Variants in STOML3 observed in about 807,000 individuals in gnomAD.
The protein encoded by STOML3 is stomatin like 3.
Under a neutral mutation model 29.5 loss-of-function variants are expected in STOML3, and 31 were observed. That is an observed-to-expected ratio of 1.05 (90% CI 0.79 to 1.42). STOML3 has a LOEUF of 1.42. Among genes scored for constraint, STOML3 ranks in the 40% most tolerant of loss-of-function variants. The pLI, the probability that STOML3 is intolerant of heterozygous loss-of-function variation, is 0.00. For synonymous variants in STOML3, 122 were observed against 139.8 expected (o/e 0.87, Z 0.90); for missense variants, 380 against 363.0 (o/e 1.05, Z -0.38).
intron 1 of STOML3, chr13:38,980,083 C>G (rs1881219803): frequency 1.3e-6 from 2 of 1,551,698 alleles, no homozygotes; most frequent in African/African-American, 1.4e-5. Context: ...TCATCAAGCC[C>G]TTGCATCATT....
intron 3 of STOML3, among the ~76,000 whole-genome samples, chr13:38,973,259 G>A (rs1344031344): frequency 6.6e-6 from 1 of 151,608 alleles, no homozygotes; most frequent in African/African-American, 2.4e-5. Context: ...TCCAGCCTGG[G>A]CAACAAAAGC....
chr13:38,976,821 T>G, intron 1 of STOML3, 24 bp from the exon 2 acceptor site: 2 of 1,589,862 alleles, frequency 1.3e-6, no homozygotes, highest in Non-Finnish European at 1.7e-6. Flanking sequence ...AGGAAGCAAA[T>G]ATGTGATCAA....
intron 1 of STOML3, among the ~76,000 whole-genome samples, chr13:38,988,465 TTA>T (rs368310598): frequency 9.2e-6 from 1 of 108,182 alleles, no homozygotes; most frequent in African/African-American, 4.1e-5. Context: ...ATCATATATT[TTA>T]TATATAATAT....
intron 1 of STOML3, 72 bp downstream of exon 1, chr13:38,990,598 G>T: frequency 6.7e-7 from 1 of 1,502,668 alleles, no homozygotes. Flanking sequence ...CTCTATACCT[G>T]TCTATAATGC....
intron 1 of STOML3, among the ~76,000 whole-genome samples, chr13:38,988,895 T>C (rs1360805203): frequency 7.1e-6 from 1 of 140,094 alleles, no homozygotes; most frequent in Admixed American, 7.5e-5. Flanking sequence ...ACATATTATA[T>C]ACTATACTAT....
At chr13:38,968,672 AT>A in intron 5 of STOML3, 138 bp from the exon 6 acceptor site, 1 of 992,156 alleles carries the variant, frequency 1.0e-6, no homozygotes, top group Non-Finnish European at 1.5e-6. Flanking sequence ...GAGTGAGACA[AT>A]TTAGGAAGAG....
At chr13:38,985,910 T>C (rs12873413) in intron 1 of STOML3, among the ~76,000 whole-genome samples, 14 of 97,962 alleles carry the variant, frequency 1.4e-4, no homozygotes, top group Admixed American at 2.8e-4. Context: ...TTCTTTTCTT[T>C]CTTTTTTTTT....
At position 38,976,708 on chromosome 13, in the gene STOML3, A is replaced by G; in HGVS notation, c.142T>C (p.Trp48Arg). The G allele has an allele frequency of 6.2e-7, 1 of 1,614,062 alleles. No individual in the cohort carries two copies. Among genetic ancestry groups the G allele is most frequent in the Non-Finnish European group, 8.5e-7 (1 of 1,179,942 alleles). ...LVIITFPISI[W>R]MCLKIIKEYE... ...CAGGGTGTTACCTTCAAGCACATCC[A>G]TATGGAGATGGGGAAGGTAATGATC... Residue 48 changes from tryptophan to arginine, a missense_variant, in exon 2 of 7, where the codon TGG (tryptophan) becomes CGG (arginine). Trp to Arg is a moderately radical substitution (Grantham distance 101). Transcript: ENST00000379631.
At chr13:38,973,772 T>C (rs925237839) in intron 3 of STOML3, among the ~76,000 whole-genome samples, 9 of 152,216 alleles carry the variant, frequency 5.9e-5, no homozygotes, top group Non-Finnish European at 1.2e-4. Context: ...ATTCTGTATT[T>C]GCTCTAAAAT....
intron 3 of STOML3, among the ~76,000 whole-genome samples, chr13:38,976,046 C>T (rs1001147603): frequency 1.3e-5 from 2 of 152,128 alleles, no homozygotes; most frequent in Non-Finnish European, 2.9e-5. Flanking sequence ...CCAAAGGCGC[C>T]GTACAATGGC....
At chr13:38,975,065 C>T (rs1881019214) in intron 3 of STOML3, among the ~76,000 whole-genome samples, 1 of 152,044 alleles carries the variant, frequency 6.6e-6, no homozygotes, top group African/African-American at 2.4e-5. Context: ...CGTGGTGGCT[C>T]ATGCTTGTAA....
intron 1 of STOML3, among the ~76,000 whole-genome samples, chr13:38,987,554 G>C (rs1006597358): frequency 1.3e-4 from 20 of 150,278 alleles, no homozygotes; most frequent in Non-Finnish European, 2.9e-5. Context: ...TGCTGGAAAG[G>C]ATAACAAGGG....
chr13:38,968,497 C>A lies in STOML3; in HGVS notation c.554G>T (p.Arg185Leu). 6.2e-7 allele frequency: 1 copy of A among 1,614,110 alleles called. No individual in the cohort carries two copies. Among genetic ancestry groups the A allele is most frequent in the South Asian group, 1.1e-5 (1 of 91,078 alleles). ...LDDATELWGI[R>L]VARVEIKDVR... is the part of the protein sequence containing the mutation. The stretch of plus-strand genomic sequence containing the variant: ...ATCTTTGATTTCCACTCGGGCCACC[C>A]GGATCCCCCACAGTTCGGTGGCATC... Residue 185 changes from arginine to leucine, a missense_variant, in exon 6 of 7, where the codon CGG becomes CTG. Physicochemically the swap from Arg to Leu is moderately radical, Grantham distance 102 (BLOSUM62 -2). Transcript: ENST00000379631.
intron 1 of STOML3, chr13:38,979,941 A>G (rs1881216066): frequency 9.3e-7 from 1 of 1,071,252 alleles, no homozygotes; most frequent in Middle Eastern, 2.0e-4. Context: ...CTCCAACAGG[A>G]CACCAGCTGT....
intron 4 of STOML3, among the ~76,000 whole-genome samples, 188 bp from the exon 5 acceptor site, chr13:38,970,576 T>G (rs1421624998): frequency 6.6e-6 from 1 of 152,210 alleles, no homozygotes; most frequent in Non-Finnish European, 1.5e-5. Flanking sequence ...CCTCTAAAGA[T>G]GTCATCATAC....
chr13:38,975,011 T>C (rs1324117618), intron 3 of STOML3, among the ~76,000 whole-genome samples: 4 of 152,068 alleles, frequency 2.6e-5, no homozygotes, highest in African/African-American at 9.7e-5. Context: ...TTAGGTCCTT[T>C]ATGAAATTAG....
At chr13:38,969,906 T>G (rs1001034225) in intron 5 of STOML3, among the ~76,000 whole-genome samples, 11 of 152,188 alleles carry the variant, frequency 7.2e-5, no homozygotes, top group Non-Finnish European at 4.4e-5. Flanking sequence ...AAGACTATAC[T>G]TGTAAGACGT....
intron 6 of STOML3, among the ~76,000 whole-genome samples, chr13:38,967,907 T>C (rs748323468): frequency 3.3e-5 from 5 of 152,202 alleles, no homozygotes; most frequent in Non-Finnish European, 7.3e-5. Flanking sequence ...TTGTAATTCT[T>C]ACCTGGATTG....
chr13:38,976,870 G>A, intron 1 of STOML3, 73 bp from the exon 2 acceptor site: 1 of 1,308,414 alleles, frequency 7.6e-7, no homozygotes, highest in Non-Finnish European at 1.1e-6. Flanking sequence ...CATGGGTGTG[G>A]AACCTATCCA....
Sources: allele counts gnomAD v4.1 joint callset (sites outside exome capture counted in the v4.1 genomes callset), GRCh38; gene constraint gnomAD v4.1.1; transcripts MANE v1.5; gene names NCBI Gene and HGNC (gene_info 2026-07-23, HGNC 2026-07-21).